Variants in RTN4 observed in about 807,000 individuals in gnomAD.
The protein encoded by RTN4 is reticulon 4, also known as reticulon-4.
RTN4 carries 32 observed loss-of-function variants against 90.4 expected under a neutral mutation model. That is an observed-to-expected ratio of 0.35 (90% CI 0.27 to 0.48). The LOEUF (loss-of-function observed/expected upper bound fraction) is 0.48, where lower values mean the gene tolerates loss of function less well. RTN4 is among the 20% of genes least tolerant of loss of function. The pLI, the probability that RTN4 is intolerant of heterozygous loss-of-function variation, is 0.99. For missense variants in RTN4, 1,706 were observed against 1,430.2 expected (o/e 1.19, Z -3.11); for synonymous variants, 629 against 552.5 (o/e 1.14, Z -1.94).
intron 1 of RTN4, among the ~76,000 whole-genome samples, chr2:55,108,434 G>A (rs1184289798): frequency 6.6e-6 from 1 of 152,026 alleles, no homozygotes; most frequent in Non-Finnish European, 1.5e-5. Flanking sequence ...CCAGCATCGG[G>A]GATGGGCCTG....
intron 2 of RTN4, among the ~76,000 whole-genome samples, chr2:55,077,225 G>C (rs1034651885): frequency 2.6e-5 from 4 of 152,000 alleles, no homozygotes; most frequent in African/African-American, 9.7e-5. Context: ...GTGTTAGCCA[G>C]GATGGTCTCG....
the RTN4 span, among the ~76,000 whole-genome samples, chr2:55,131,431 C>G: frequency 1.3e-5 from 2 of 151,666 alleles, no homozygotes; most frequent in African/African-American, 2.4e-5. Context: ...CTGGTCCTAA[C>G]TCCTGGAATC....
intron 2 of RTN4, among the ~76,000 whole-genome samples, chr2:55,063,271 G>A (rs1047291473): frequency 1.3e-5 from 2 of 152,318 alleles, no homozygotes; most frequent in South Asian, 2.1e-4. Context: ...TAGGTGAGGC[G>A]GGAAAGCCTT....
At chr2:54,975,955 C>T (rs796852386) in intron 5 of RTN4, among the ~76,000 whole-genome samples, 4 of 152,166 alleles carry the variant, frequency 2.6e-5, no homozygotes, top group African/African-American at 9.7e-5. Context: ...GCTATTGGAA[C>T]CCCTGGTAGA....
intron 3 of RTN4, among the ~76,000 whole-genome samples, chr2:54,996,045 C>T (rs1044538683): frequency 1.6e-4 from 25 of 152,000 alleles, no homozygotes; most frequent in African/African-American, 4.1e-4. Context: ...TATCAATATA[C>T]AAAAATTGTA....
chr2:55,128,435 A>T, the RTN4 span, among the ~76,000 whole-genome samples: 1 of 152,090 alleles, frequency 6.6e-6, no homozygotes, highest in Admixed American at 6.6e-5. Context: ...CTCTCCGATG[A>T]GGAAAACGTG....
intron 2 of RTN4, among the ~76,000 whole-genome samples, chr2:55,080,067 A>C (rs762556652): frequency 2.5e-4 from 38 of 152,132 alleles, no homozygotes; most frequent in Non-Finnish European, 2.6e-4. Context: ...CCCAGGCTAG[A>C]GTGTAGTGGC....
At chr2:55,013,273 G>A (rs907426421) in intron 3 of RTN4, among the ~76,000 whole-genome samples, 6 of 151,932 alleles carry the variant, frequency 3.9e-5, no homozygotes, top group Non-Finnish European at 8.8e-5. Context: ...GAAATAAACT[G>A]TTCAAAGTTC....
At chr2:55,001,587 G>C (rs17046579) in intron 3 of RTN4, among the ~76,000 whole-genome samples, 23,349 of 152,092 alleles carry the variant, frequency 0.15, 2,254 homozygotes, top group South Asian at 0.35. Flanking sequence ...TAAATGTCTT[G>C]TCAGATAAAA....
At chr2:55,043,607 T>C (rs1683216052) in intron 1 of RTN4, among the ~76,000 whole-genome samples, 1 of 151,924 alleles carries the variant, frequency 6.6e-6, no homozygotes, top group South Asian at 2.1e-4. Context: ...AAAATAAGGC[T>C]GGGAGCAGTG....
chr2:55,010,443 CA>C, intron 3 of RTN4: 1 of 906,004 alleles, frequency 1.1e-6, no homozygotes. Flanking sequence ...GGCAGGCTAC[CA>C]AAAGAAAGGA....
At position 55,090,044 on chromosome 2, in the gene RTN4, G is replaced by C. The variant is rs570545991; in HGVS notation, c.-213-9405C>G. ...ATGAAGAACACATGTTTTCTAAGGAGAGATTTATTTAATGAAAGTCTTTTT... is the reference window on the plus strand; with the variant it reads ...ATGAAGAACACATGTTTTCTAAGGACAGATTTATTTAATGAAAGTCTTTTT... On this transcript the variant is annotated intron_variant, in intron 1 of 3. Coordinates refer to the RTN4 transcript ENST00000427710. Among the ~76,000 whole-genome samples the C allele has an allele frequency of 9.8e-5, 15 of 152,332 alleles. No individual in the cohort carries two copies. The South Asian group carries it at 3.1e-3, about 32-fold the overall frequency.
chr2:55,053,283 T>C (rs935049235), upstream of RTN4, among the ~76,000 whole-genome samples: 2 of 152,180 alleles, frequency 1.3e-5, no homozygotes, highest in African/African-American at 4.8e-5. Context: ...GATGTAAATA[T>C]CACTATCACT....
chr2:55,033,350 G>A (rs1682459965), intron 1 of RTN4, among the ~76,000 whole-genome samples: 1 of 152,172 alleles, frequency 6.6e-6, no homozygotes, highest in African/African-American at 2.4e-5. Flanking sequence ...ATATACAGAT[G>A]ATCCTCATTA....
chr2:55,050,178 T>G lies in RTN4; in HGVS notation c.123A>C (p.Glu41Asp), dbSNP rs200758158. The G allele has an allele frequency of 5.1e-5, 80 of 1,569,146 alleles. No homozygotes were observed. The African/African-American group carries it at 1.1e-3, about 22-fold the overall frequency. ...CCAGGTCTTCGTCCTCGTCCTCCTC[T>G]TCCTCCTCCTCTTCTTCCTCCTCGT... ...PEDEEEEEEE[E>D]EEDEDEDLEE... Residue 41 changes from glutamate (E) to aspartate (D), a missense_variant, in exon 1 of 9, where the codon GAA becomes GAC. Coordinates refer to ENST00000337526, the MANE Select transcript of RTN4 (RefSeq NM_020532.5). This position sits in a 1 kb window ranked among gnomAD's most constrained non-coding sequence, Gnocchi z 4.6.
At chr2:55,055,414 G>A (rs1668170615), upstream of RTN4, among the ~76,000 whole-genome samples, 3 of 152,032 alleles carry the variant, frequency 2.0e-5, no homozygotes, top group Non-Finnish European at 4.4e-5. Context: ...ATCTTCAATG[G>A]AGATAGATAG....
intron 2 of RTN4, among the ~76,000 whole-genome samples, chr2:55,078,265 G>C (rs903335810): frequency 1.3e-5 from 2 of 151,870 alleles, no homozygotes; most frequent in Admixed American, 1.3e-4. Flanking sequence ...TATTTTTTGA[G>C]GCTTGCTCTG....
chr2:55,006,739 T>A (rs1189594807), intron 3 of RTN4, among the ~76,000 whole-genome samples: 2 of 152,138 alleles, frequency 1.3e-5, no homozygotes, highest in Non-Finnish European at 2.9e-5. Flanking sequence ...CACATCCATT[T>A]CTCACTCATA....
chr2:55,058,229 A>G lies in RTN4; in HGVS notation c.-63+22260T>C, dbSNP rs180680346. Among the ~76,000 whole-genome samples, 20 of 152,270 alleles carry G rather than the reference A, an allele frequency of 1.3e-4. No homozygotes were observed. The East Asian group carries it at 3.7e-3, about 28-fold the overall frequency. On this transcript the variant is annotated intron_variant, in intron 2 of 3. Transcript: ENST00000427710. ...TTAAATATTACTAAATTAATCTTCT[A>G]TTCTTTAGATTCTATGAGTGTTGCA...
Sources: allele counts gnomAD v4.1 joint callset (sites outside exome capture counted in the v4.1 genomes callset), GRCh38; gene constraint gnomAD v4.1.1; non-coding constraint Gnocchi (gnomAD v3.1); transcripts MANE v1.5; gene names NCBI Gene and HGNC (gene_info 2026-07-23, HGNC 2026-07-21).